The following EXOC4 variants were observed in gnomAD, a reference collection of about 807,000 sequenced individuals.
The protein encoded by EXOC4 is SEC8-like 1.
In EXOC4, 71 loss-of-function variants were observed where a neutral mutation model predicts 107.2. That is an observed-to-expected ratio of 0.66 (90% CI 0.55 to 0.81). The LOEUF (loss-of-function observed/expected upper bound fraction) is 0.81. Ranked by LOEUF, EXOC4 falls within the 30% of genes least tolerant of loss-of-function variation. EXOC4 has a pLI of 0.00. For synonymous variants in EXOC4, 456 were observed against 441.2 expected, an observed-to-expected ratio of 1.03 and a Z score of -0.42; for missense variants, 1,108 against 1,189.6, an observed-to-expected ratio of 0.93 and a Z score of 1.01.
chr7:133,964,258 A>T (rs1219625790), intron 14 of EXOC4, among the ~76,000 whole-genome samples: 1 of 152,140 alleles, frequency 6.6e-6, no homozygotes, highest in Non-Finnish European at 1.5e-5. Flanking sequence ...TCAGAGTCAC[A>T]ATTTTTTATA....
intron 9 of EXOC4, among the ~76,000 whole-genome samples, chr7:133,532,528 T>C (rs1448248733): frequency 6.6e-6 from 1 of 152,052 alleles, no homozygotes. Context: ...CATAACTTAA[T>C]GGCAAAAAAT....
chr7:133,939,982 C>G (rs1800391225), intron 14 of EXOC4, among the ~76,000 whole-genome samples: 1 of 152,180 alleles, frequency 6.6e-6, no homozygotes, highest in Admixed American at 6.5e-5. Flanking sequence ...AAAAAGGGGC[C>G]ACTTGCCTCT....
chr7:133,689,811 A>G (rs1158259792), intron 10 of EXOC4, among the ~76,000 whole-genome samples: 1 of 152,258 alleles, frequency 6.6e-6, no homozygotes, highest in Non-Finnish European at 1.5e-5. Context: ...AAGAATTGTC[A>G]GAAGACAAAA....
chr7:133,400,086 G>A (rs1166397421), intron 7 of EXOC4, among the ~76,000 whole-genome samples: 4 of 152,156 alleles, frequency 2.6e-5, no homozygotes, highest in Non-Finnish European at 5.9e-5. Flanking sequence ...TGGATCTGCG[G>A]GGGCAGGAGT....
At chr7:133,586,376 T>C (rs1025598923) in intron 9 of EXOC4, among the ~76,000 whole-genome samples, 1 of 152,186 alleles carries the variant, frequency 6.6e-6, no homozygotes, top group South Asian at 2.1e-4. Flanking sequence ...CTTAGGATAA[T>C]GTCCTCCATT....
chr7:134,064,560 C>T lies in EXOC4; in HGVS notation c.*32C>T, dbSNP rs1315264387. The T allele has an allele frequency of 2.1e-6, 3 of 1,447,786 alleles. No individual in the cohort carries two copies. The allele number at this position is 1,447,786 out of a possible 1,614,324, so 89.7% of individuals were successfully genotyped here. On this transcript the variant is annotated 3_prime_UTR_variant, in exon 18 of 18. Transcript: ENST00000253861. The stretch of plus-strand genomic sequence containing the variant: ...GTACTGCGGTTGGTGACGGGGGTCC[C>T]CTCAGTCACACTCACTTTTTTCCTT...
chr7:134,067,149 CAAAAAAAAAAAAAAAA>C (rs10597442), downstream of EXOC4, among the ~76,000 whole-genome samples: 1 of 121,960 alleles, frequency 8.2e-6, no homozygotes, highest in Non-Finnish European at 1.7e-5. Flanking sequence ...CACTCTGTCT[CAAAAAAAAAAAAAAAA>C]AAAAAAAAAG....
chr7:133,904,927 G>A (rs1799534294), intron 12 of EXOC4, among the ~76,000 whole-genome samples: 1 of 152,114 alleles, frequency 6.6e-6, no homozygotes, highest in Non-Finnish European at 1.5e-5. Flanking sequence ...GGACTAATTA[G>A]GGCAGTCCTA....
chr7:133,904,263 C>T (rs575174690), intron 12 of EXOC4, among the ~76,000 whole-genome samples: 1 of 152,112 alleles, frequency 6.6e-6, no homozygotes, highest in Non-Finnish European at 1.5e-5. Flanking sequence ...GGGAAAATCC[C>T]TGAAATTATG....
At chr7:134,067,480 C>T (rs564131184), downstream of EXOC4, among the ~76,000 whole-genome samples, 66 of 152,198 alleles carry the variant, frequency 4.3e-4, no homozygotes, top group African/African-American at 1.4e-3. Flanking sequence ...CCATTTAGTC[C>T]TCACAGCAAC....
At chr7:133,555,949 A>C (rs1296690523) in intron 9 of EXOC4, among the ~76,000 whole-genome samples, 1 of 152,146 alleles carries the variant, frequency 6.6e-6, no homozygotes, top group Non-Finnish European at 1.5e-5. Flanking sequence ...TGTTGCCTTT[A>C]GTTAAGTTGT....
rs376534448 is a variant in EXOC4, at chr7:133,817,320, T to C, written c.1515-5T>C. 3 of 1,606,990 alleles carry C rather than the reference T, an allele frequency of 1.9e-6. No homozygotes were observed. The highest frequency in any genetic ancestry group is 2.7e-5 in the African/African-American group (2 of 74,942). The stretch of plus-strand genomic sequence containing the variant: ...TTAATAACCTTCTTACTGTTTGTCC[T>C]CCAGATTTATTCAGGAGATTGAGCA... On this transcript the variant is annotated splice_polypyrimidine_tract_variant and splice_region_variant and intron_variant, in intron 10 of 17. Transcript: ENST00000253861.
At chr7:133,871,474 G>T (rs1392342243) in intron 11 of EXOC4, among the ~76,000 whole-genome samples, 1 of 152,046 alleles carries the variant, frequency 6.6e-6, no homozygotes, top group Non-Finnish European at 1.5e-5. Flanking sequence ...GATGGCAAAA[G>T]TCTTCCTCCA....
At chr7:133,371,462 G>A (rs910086911) in intron 6 of EXOC4, among the ~76,000 whole-genome samples, 1 of 151,670 alleles carries the variant, frequency 6.6e-6, no homozygotes. Flanking sequence ...TGCCTATCCT[G>A]AATATTTTAT....
chr7:133,515,950 T>C (rs1054221935), intron 9 of EXOC4, among the ~76,000 whole-genome samples: 1 of 152,218 alleles, frequency 6.6e-6, no homozygotes, highest in African/African-American at 2.4e-5. Flanking sequence ...TTCATCAATC[T>C]GAATAGAAAA....
At chr7:133,333,628 T>G (rs1316834306) in intron 5 of EXOC4, among the ~76,000 whole-genome samples, 1 of 152,216 alleles carries the variant, frequency 6.6e-6, no homozygotes, top group Non-Finnish European at 1.5e-5. Context: ...CATATACATC[T>G]ATATGTATCT....
intron 9 of EXOC4, among the ~76,000 whole-genome samples, chr7:133,611,861 A>T (rs1028017111): frequency 2.0e-5 from 3 of 152,208 alleles, no homozygotes; most frequent in African/African-American, 7.2e-5. Context: ...CTAATCTTTC[A>T]TAACACAGAA....
chr7:133,681,667 C>T (rs1794189901), intron 10 of EXOC4, among the ~76,000 whole-genome samples: 2 of 151,974 alleles, frequency 1.3e-5, no homozygotes, highest in African/African-American at 4.8e-5. Flanking sequence ...CTGGGAGATA[C>T]AATTCAAGTT....
chr7:133,391,365 G>A (rs1192583092), intron 7 of EXOC4, among the ~76,000 whole-genome samples: 1 of 152,192 alleles, frequency 6.6e-6, no homozygotes, highest in Non-Finnish European at 1.5e-5. Context: ...ACGTGATATG[G>A]CAGTGAAAAA....
Sources: gnomAD v4.1 joint callset for allele counts (sites outside exome capture counted in the v4.1 genomes callset) on GRCh38, gnomAD v4.1.1 for gene constraint, MANE v1.5 for transcripts, NCBI Gene and HGNC (gene_info 2026-07-23, HGNC 2026-07-21) for gene names.